The following SUGCT variants were observed in gnomAD, a reference collection of about 807,000 sequenced individuals.
SUGCT encodes succinyl-CoA:glutarate CoA-transferase.
In SUGCT, 41 loss-of-function variants were observed where a neutral mutation model predicts 55.0. That is an observed-to-expected ratio of 0.74 (90% CI 0.58 to 0.97). The LOEUF is 0.97. SUGCT is among the 50% of genes least tolerant of loss of function. The probability of loss-of-function intolerance (pLI) is 0.00; values close to 1 mark genes in which losing one functional copy is unlikely to be tolerated. For missense variants in SUGCT, 568 were observed against 547.8 expected, an observed-to-expected ratio of 1.04 and a Z score of -0.37; for synonymous variants, 187 against 200.4, an observed-to-expected ratio of 0.93 and a Z score of 0.56.
chr7:40,747,441 T>C (rs559220386), intron 12 of SUGCT, among the ~76,000 whole-genome samples: 1 of 152,282 alleles, frequency 6.6e-6, no homozygotes, highest in East Asian at 1.9e-4. Flanking sequence ...GAGAAAACAT[T>C]TTATTACTTT....
chr7:40,317,508 A>G (rs1262798195), intron 9 of SUGCT, among the ~76,000 whole-genome samples: 1 of 152,210 alleles, frequency 6.6e-6, no homozygotes, highest in East Asian at 1.9e-4. Context: ...ATGTATCTGC[A>G]TATCTCCTGT....
intron 12 of SUGCT, among the ~76,000 whole-genome samples, chr7:40,548,186 C>CTTTTTTTTTTTTTTTTTTTTTTTTTTTTT (rs1186226631): frequency 1.9e-5 from 2 of 105,008 alleles, no homozygotes; most frequent in Middle Eastern, 6.8e-3. Context: ...TTCTTTCTTT[C>CTTTTTTTTTTTTTTTTTTTTTTTTTTTTT]TTTTTTTTTT....
At chr7:40,534,718 C>T (rs1211376375) in intron 12 of SUGCT, among the ~76,000 whole-genome samples, 1 of 152,180 alleles carries the variant, frequency 6.6e-6, no homozygotes, top group East Asian at 1.9e-4. Flanking sequence ...TGCGCCCGGC[C>T]TAAAATTTCT....
At chr7:40,345,421 T>C (rs1375109537) in intron 9 of SUGCT, among the ~76,000 whole-genome samples, 1 of 152,222 alleles carries the variant, frequency 6.6e-6, no homozygotes, top group East Asian at 1.9e-4. Context: ...ACTTGACTTA[T>C]ATAGTGCCAT....
intron 6 of SUGCT, among the ~76,000 whole-genome samples, chr7:40,204,325 C>T (rs1194947474): frequency 4.1e-5 from 6 of 146,970 alleles, no homozygotes; most frequent in South Asian, 4.3e-4. Flanking sequence ...TTTTTTGATA[C>T]GGAGTCTTGC....
intron 12 of SUGCT, among the ~76,000 whole-genome samples, chr7:40,506,122 A>G (rs949232001): frequency 1.3e-5 from 2 of 152,084 alleles, no homozygotes; most frequent in Non-Finnish European, 2.9e-5. Context: ...CAGTGTGTTG[A>G]TGATATTAGT....
At chr7:40,230,753 C>T (rs1201533001) in intron 6 of SUGCT, among the ~76,000 whole-genome samples, 1 of 152,018 alleles carries the variant, frequency 6.6e-6, no homozygotes, top group Non-Finnish European at 1.5e-5. Context: ...GCTTGCATTC[C>T]CTTGGACTTT....
At chr7:40,822,708 A>G (rs577305934) in intron 13 of SUGCT, among the ~76,000 whole-genome samples, 1 of 152,196 alleles carries the variant, frequency 6.6e-6, no homozygotes, top group South Asian at 2.1e-4. Flanking sequence ...ACTGTTTTTT[A>G]CCTTACTCAC....
intron 12 of SUGCT, among the ~76,000 whole-genome samples, chr7:40,592,161 G>GT (rs1797760850): frequency 6.6e-6 from 1 of 152,152 alleles, no homozygotes. Context: ...GAGTTGAAAT[G>GT]TTGGCTTAGA....
the SUGCT span, among the ~76,000 whole-genome samples, chr7:41,038,800 G>A: frequency 2.1e-3 from 316 of 152,228 alleles, 1 homozygote; most frequent in Non-Finnish European, 3.7e-3. Context: ...TCATCAGCAA[G>A]CTGAAGATAG....
intron 6 of SUGCT, among the ~76,000 whole-genome samples, chr7:40,228,492 TTGTGTGTG>T (rs369027925): frequency 2.7e-5 from 4 of 150,700 alleles, no homozygotes; most frequent in Non-Finnish European, 5.9e-5. Flanking sequence ...TTGTTCAGGT[TTGTGTGTG>T]TGTGTGTGTG....
intron 12 of SUGCT, among the ~76,000 whole-genome samples, chr7:40,569,345 C>T (rs1796316978): frequency 6.6e-6 from 1 of 152,180 alleles, no homozygotes; most frequent in Non-Finnish European, 1.5e-5. Context: ...TCCTTTCGCT[C>T]AGTATCTCTT....
chr7:40,163,809 A>G (rs533668192), intron 1 of SUGCT, among the ~76,000 whole-genome samples: 1 of 151,502 alleles, frequency 6.6e-6, no homozygotes, highest in Non-Finnish European at 1.5e-5. Flanking sequence ...CTATTTTCTT[A>G]ATTTTTTGAA....
intron 8 of SUGCT, among the ~76,000 whole-genome samples, chr7:40,314,029 C>T (rs1795297291): frequency 6.6e-6 from 1 of 152,156 alleles, no homozygotes; most frequent in Non-Finnish European, 1.5e-5. Flanking sequence ...TAGTATTCTA[C>T]TTGCAAACAG....
At chr7:40,914,264 A>AT in the SUGCT span, among the ~76,000 whole-genome samples, 3 of 136,306 alleles carry the variant, frequency 2.2e-5, no homozygotes, top group Non-Finnish European at 4.6e-5. Context: ...TTATTTATTT[A>AT]TTTTTTTCTT....
chr7:40,431,804 T>A (rs943618633), intron 9 of SUGCT, among the ~76,000 whole-genome samples: 3 of 152,208 alleles, frequency 2.0e-5, no homozygotes, highest in Non-Finnish European at 2.9e-5. Context: ...ATGGGATTTT[T>A]AAAAATGTCT....
intron 12 of SUGCT, among the ~76,000 whole-genome samples, chr7:40,729,015 G>C (rs533135170): frequency 6.6e-6 from 1 of 152,250 alleles, no homozygotes; most frequent in Admixed American, 6.5e-5. Context: ...AAGTAGCTGG[G>C]CTAGAATTTT....
intron 12 of SUGCT, among the ~76,000 whole-genome samples, chr7:40,694,310 G>C (rs1296742119): frequency 6.6e-6 from 1 of 152,186 alleles, no homozygotes; most frequent in African/African-American, 2.4e-5. Context: ...GTGATGGTTT[G>C]CAAAGCATGT....
At chr7:40,237,579 C>A in intron 6 of SUGCT, 56 bp from the exon 7 acceptor site, 1 of 1,278,056 alleles carries the variant, frequency 7.8e-7, no homozygotes, top group Non-Finnish European at 1.1e-6. Context: ...CTATATTGTA[C>A]AGTGGTTTTA....
Sources: gnomAD v4.1 joint callset for allele counts (sites outside exome capture counted in the v4.1 genomes callset) on GRCh38, gnomAD v4.1.1 for gene constraint, MANE v1.5 for transcripts, NCBI Gene and HGNC (gene_info 2026-07-23, HGNC 2026-07-21) for gene names.